The following TRPM1 variants were observed in gnomAD, a reference collection of about 807,000 sequenced individuals.
The protein encoded by TRPM1 is TRPM1-203 APA Isoform, Intron 10.
A neutral mutation model predicts 149.4 loss-of-function variants in TRPM1; 113 were observed. That is an observed-to-expected ratio of 0.76 (90% confidence interval 0.65 to 0.88). The LOEUF is 0.88. Among genes scored for constraint, TRPM1 ranks in the 40% least tolerant of loss-of-function variants. TRPM1 has a pLI of 0.00. For synonymous variants in TRPM1, 741 were observed against 759.5 expected (o/e 0.98, Z 0.40); for missense variants, 1,976 against 2,038.7 (o/e 0.97, Z 0.59).
At chr15:31,117,214 G>T (rs554565247) in intron 1 of TRPM1, among the ~76,000 whole-genome samples, 5 of 152,244 alleles carry the variant, frequency 3.3e-5, no homozygotes, top group African/African-American at 1.2e-4. Context: ...GGCCGGGCAT[G>T]GTGGCTCATG....
intron 27 of TRPM1, among the ~76,000 whole-genome samples, chr15:31,004,689 C>T (rs1336780511): frequency 1.3e-5 from 2 of 152,146 alleles, no homozygotes; most frequent in Non-Finnish European, 2.9e-5. Context: ...GCCTCTGTAT[C>T]ACAGGCACTG....
At chr15:31,138,579 T>C (rs2036120352) in intron 1 of TRPM1, among the ~76,000 whole-genome samples, 1 of 152,158 alleles carries the variant, frequency 6.6e-6, no homozygotes, top group Admixed American at 6.5e-5. Flanking sequence ...AAGACCAGGC[T>C]GAGTGTAGTG....
Position 31,026,120 on chromosome 15 carries a change from G to A in TRPM1, c.3629+19C>T, listed in dbSNP as rs369161606. ...CAAACCCTTGGCTCACGGGCCCGCG[G>A]TGGGGACGCTACACGTACCTTTCAG... On this transcript the variant is annotated intron_variant, in intron 27 of 27. Coordinates refer to ENST00000256552, the MANE Select transcript of TRPM1 (RefSeq NM_001252024.2). 3.1e-6 allele frequency: 5 copies of A among 1,609,538 alleles called. No homozygotes were observed. Among genetic ancestry groups the A allele is most frequent in the Admixed American group, 3.3e-5 (2 of 60,026 alleles).
chr15:31,082,124 C>T (rs576575282), intron 1 of TRPM1, among the ~76,000 whole-genome samples: 2 of 152,226 alleles, frequency 1.3e-5, no homozygotes, highest in African/African-American at 4.8e-5. Context: ...GCCACCTGTC[C>T]TTGTGAAAGG....
intron 4 of TRPM1, chr15:31,069,337 T>C: frequency 1.2e-6 from 1 of 844,688 alleles, no homozygotes; most frequent in Non-Finnish European, 1.4e-6. Context: ...ACTGCTTCTT[T>C]GTGTCTGGGC....
intron 2 of TRPM1, among the ~76,000 whole-genome samples, chr15:31,079,124 A>T (rs1361183030): frequency 6.6e-6 from 1 of 152,242 alleles, no homozygotes; most frequent in African/African-American, 2.4e-5. Context: ...AGAGACAGGT[A>T]TAAAAACAGA....
At chr15:31,062,822 G>A (rs1225299936) in intron 8 of TRPM1, 120 bp from the exon 9 acceptor site, 5 of 1,203,592 alleles carry the variant, frequency 4.2e-6, no homozygotes, top group Middle Eastern at 2.6e-4. Flanking sequence ...TGACACAGGA[G>A]ACAAAAAGTA....
At chr15:31,145,693 G>GTA (rs1425792115) in intron 1 of TRPM1, among the ~76,000 whole-genome samples, 1 of 152,100 alleles carries the variant, frequency 6.6e-6, no homozygotes, top group Non-Finnish European at 1.5e-5. Flanking sequence ...ATTTCTCGTT[G>GTA]TACATAGATG....
intron 3 of TRPM1, among the ~76,000 whole-genome samples, chr15:31,071,090 C>T (rs1163139599): frequency 6.6e-6 from 1 of 152,164 alleles, no homozygotes; most frequent in Non-Finnish European, 1.5e-5. Context: ...TGAACATGTT[C>T]CCTGGCTTTG....
At chr15:31,060,134 G>GACACACACACAC (rs111387341) in intron 11 of TRPM1, 13 of 326,122 alleles carry the variant, frequency 4.0e-5, no homozygotes, top group Non-Finnish European at 7.7e-5. Context: ...CACACACATA[G>GACACACACACAC]ACACACACAC....
At chr15:31,056,338 T>A (rs1249403906) in intron 11 of TRPM1, among the ~76,000 whole-genome samples, 1 of 152,238 alleles carries the variant, frequency 6.6e-6, no homozygotes, top group Non-Finnish European at 1.5e-5. Context: ...ATTAAATGTC[T>A]ACATGTGTGA....
chr15:31,068,967 C>A (rs894995018), intron 4 of TRPM1, among the ~76,000 whole-genome samples: 3 of 152,150 alleles, frequency 2.0e-5, no homozygotes, highest in African/African-American at 7.2e-5. Context: ...TTTGTTATAG[C>A]AGCCAAACAG....
intron 1 of TRPM1, among the ~76,000 whole-genome samples, chr15:31,099,493 C>T (rs1345629423): frequency 6.6e-6 from 1 of 152,142 alleles, no homozygotes; most frequent in Non-Finnish European, 1.5e-5. Context: ...TCTACTGCCC[C>T]CAGTAGGAGG....
Position 31,014,077 on chromosome 15 carries a change from ACACACAGCCCTATGCATG to A in TRPM1, c.3630-11025_3630-11008del, listed in dbSNP as rs754257943. On this transcript the variant is annotated intron_variant, in intron 27 of 27. Coordinates refer to ENST00000256552, the MANE Select transcript of TRPM1 (RefSeq NM_001252024.2). ...AGCCTTCTCAGGTCTTCCTGAGTAT[ACACACAGCCCTATGCATG>A]CACATAGCTTTCTAAATTCCCAGGA... Among the ~76,000 whole-genome samples, 275 of 152,290 alleles carry A rather than the reference ACACACAGCCCTATGCATG, an allele frequency of 1.8e-3. 9 individuals are homozygous for A. In the South Asian group the frequency reaches 0.056, roughly 31 times the overall value.
intron 11 of TRPM1, chr15:31,060,308 G>A (rs191769699): frequency 5.4e-5 from 31 of 577,302 alleles, no homozygotes; most frequent in Non-Finnish European, 6.8e-5. Context: ...CATCAGCAAC[G>A]ATAAAATATT....
chr15:31,125,716 C>T (rs1385726023), intron 1 of TRPM1, among the ~76,000 whole-genome samples: 1 of 86,976 alleles, frequency 1.1e-5, no homozygotes, highest in Non-Finnish European at 2.0e-5. Context: ...GGCGACAGAG[C>T]GAGACTCCGT....
At chr15:31,091,917 A>T (rs1159229158) in intron 1 of TRPM1, among the ~76,000 whole-genome samples, 2 of 152,226 alleles carry the variant, frequency 1.3e-5, no homozygotes, top group Non-Finnish European at 2.9e-5. Flanking sequence ...TCACACAAAA[A>T]GCCCAGCATG....
chr15:31,137,445 A>G (rs1310067742), intron 1 of TRPM1, among the ~76,000 whole-genome samples: 2 of 152,242 alleles, frequency 1.3e-5, no homozygotes, highest in Non-Finnish European at 2.9e-5. Flanking sequence ...ATTCAGAATG[A>G]CAATGGCTGT....
intron 1 of TRPM1, among the ~76,000 whole-genome samples, chr15:31,155,656 TA>T (rs764001735): frequency 3.9e-5 from 6 of 152,234 alleles, no homozygotes; most frequent in Admixed American, 1.3e-4. Context: ...CATGTGTACT[TA>T]TATATATTTT....
Sources: allele counts gnomAD v4.1 joint callset (sites outside exome capture counted in the v4.1 genomes callset), GRCh38; gene constraint gnomAD v4.1.1; transcripts MANE v1.5; gene names NCBI Gene and HGNC (gene_info 2026-07-23, HGNC 2026-07-21).